Variants in TMC7 observed in about 807,000 individuals in gnomAD.
The protein encoded by TMC7 is transmembrane channel-like protein 7.
TMC7 carries 54 observed loss-of-function variants against 82.9 expected under a neutral mutation model. The ratio of observed to expected loss-of-function variants is 0.65; its 90% CI spans 0.52 to 0.82. The LOEUF is 0.82. Ranked by LOEUF, TMC7 falls within the 40% of genes least tolerant of loss-of-function variation. TMC7 has a pLI of 0.00. For missense variants in TMC7, 820 were observed against 901.2 expected (o/e 0.91, Z 1.15); for synonymous variants, 350 against 337.9 (o/e 1.04, Z -0.39).
At chr16:19,007,944 G>A (rs1190218916) in intron 1 of TMC7, among the ~76,000 whole-genome samples, 1 of 152,150 alleles carries the variant, frequency 6.6e-6, no homozygotes, top group African/African-American at 2.4e-5. Flanking sequence ...ACATATGGTA[G>A]ATAGAGTTGT....
chr16:19,051,955 C>T (rs1961561129), intron 13 of TMC7, 139 bp downstream of exon 13: 10 of 1,192,762 alleles, frequency 8.4e-6, no homozygotes, highest in South Asian at 7.2e-5. Flanking sequence ...AGTGTGGTGG[C>T]GCAGTCTTGG....
chr16:18,984,814 C>T (rs1210138513), intron 1 of TMC7, among the ~76,000 whole-genome samples: 2 of 152,162 alleles, frequency 1.3e-5, no homozygotes, highest in African/African-American at 4.8e-5. Flanking sequence ...AACGGCTGCC[C>T]AGTCAGGATA....
intron 1 of TMC7, among the ~76,000 whole-genome samples, chr16:18,984,928 G>GTTTTC (rs1346275038): frequency 6.6e-6 from 1 of 152,172 alleles, no homozygotes; most frequent in Non-Finnish European, 1.5e-5. Flanking sequence ...TATCTGCAAT[G>GTTTTC]TTTTCTCTTT....
intron 1 of TMC7, 22 bp from the exon 2 acceptor site, chr16:19,009,150 G>A: frequency 6.2e-7 from 1 of 1,606,686 alleles, no homozygotes; most frequent in Non-Finnish European, 8.5e-7. Context: ...AGTGAATGAT[G>A]ACTTTCTTTT....
At chr16:19,009,866 G>A (rs369637378) in intron 2 of TMC7, among the ~76,000 whole-genome samples, 13 of 150,870 alleles carry the variant, frequency 8.6e-5, no homozygotes, top group East Asian at 2.0e-4. Context: ...GCGTGAACCC[G>A]GGAGGCAGAG....
At chr16:19,021,840 A>G in intron 4 of TMC7, 44 bp downstream of exon 4, 3 of 1,590,778 alleles carry the variant, frequency 1.9e-6, no homozygotes, top group Non-Finnish European at 2.6e-6. Flanking sequence ...TTTGTTTTTC[A>G]CCATGTACCT....
intron 1 of TMC7, among the ~76,000 whole-genome samples, chr16:18,985,995 T>C (rs1356955923): frequency 6.6e-6 from 1 of 151,638 alleles, no homozygotes; most frequent in Non-Finnish European, 1.5e-5. Context: ...ATTATGACAC[T>C]GGGCTCCAGC....
At chr16:19,046,515 G>A (rs1004680487) in intron 11 of TMC7, among the ~76,000 whole-genome samples, 6 of 152,108 alleles carry the variant, frequency 3.9e-5, no homozygotes, top group South Asian at 2.1e-4. Context: ...TCTAGGCAGA[G>A]GCCAGAGGTC....
intron 13 of TMC7, among the ~76,000 whole-genome samples, chr16:19,053,480 C>G (rs1261551785): frequency 2.0e-5 from 3 of 151,618 alleles, no homozygotes; most frequent in African/African-American, 7.3e-5. Flanking sequence ...CTTGGCTCAC[C>G]GCAACCTCTG....
At chr16:19,057,903 C>G (rs1961840974) in intron 14 of TMC7, among the ~76,000 whole-genome samples, 1 of 151,820 alleles carries the variant, frequency 6.6e-6, no homozygotes, top group African/African-American at 2.4e-5. Flanking sequence ...TAACCACCCC[C>G]ATTTCAGATC....
chr16:19,035,348 C>A (rs1350115115), intron 6 of TMC7, among the ~76,000 whole-genome samples: 1 of 152,150 alleles, frequency 6.6e-6, no homozygotes, highest in Non-Finnish European at 1.5e-5. Flanking sequence ...ATGATGGAAT[C>A]ATTTCTATCC....
Position 19,055,889 on chromosome 16 carries a change from C to G in TMC7, c.1872-653C>G, listed in dbSNP as rs557762698. ...CTCCTTCCTTAGTCTCTTTTAATCC[C>G]TGATTCTTTGAAGAGTCCAGGCCAG... On this transcript the variant is annotated intron_variant, in intron 13 of 15. Coordinates refer to ENST00000304381, the MANE Select transcript of TMC7 (RefSeq NM_024847.4). 2.4e-3 allele frequency among the ~76,000 whole-genome samples: 369 copies of G among 152,224 alleles called. 1 individual carries two copies. Among genetic ancestry groups the G allele is most frequent in the Non-Finnish European group, 3.6e-3 (246 of 68,008 alleles).
In TMC7 at chr16:18,989,250, A is replaced by G. The variant is rs377282284; in HGVS notation, c.67+5120A>G. Among the ~76,000 whole-genome samples the G allele has an allele frequency of 1.2e-4, 18 of 152,222 alleles. No individual in the cohort carries two copies. The East Asian group carries it at 3.1e-3, about 26-fold the overall frequency. On this transcript the variant is annotated intron_variant, in intron 1 of 15. Transcript: ENST00000304381. ...TCCCCAGAGGGAGGCAGGTCTGGACAGAGCTGAAGATTGCACAGGCCATTT... is the reference window on the plus strand; with the variant it reads ...TCCCCAGAGGGAGGCAGGTCTGGACGGAGCTGAAGATTGCACAGGCCATTT...
chr16:18,990,668 G>T (rs1216271745), intron 1 of TMC7, among the ~76,000 whole-genome samples: 1 of 152,186 alleles, frequency 6.6e-6, no homozygotes, highest in African/African-American at 2.4e-5. Context: ...ATAGGTTTTG[G>T]TATAGGCGGT....
Position 19,015,067 on chromosome 16 carries a change from G to A in TMC7, c.312-1383G>A, listed in dbSNP as rs1004538885. On this transcript the variant is annotated intron_variant, in intron 2 of 15. Coordinates refer to ENST00000304381, the MANE Select transcript of TMC7 (RefSeq NM_024847.4). ...CAACCTCCGCCTTCCGGGTTCAAGCGATTCTCCTGCCTCAGCCTCCCTAGT... is the reference window on the plus strand; with the variant it reads ...CAACCTCCGCCTTCCGGGTTCAAGCAATTCTCCTGCCTCAGCCTCCCTAGT... Among the ~76,000 whole-genome samples, 7 of 151,510 alleles carry A rather than the reference G, an allele frequency of 4.6e-5. No homozygotes were observed. The South Asian group carries it at 6.3e-4, about 14-fold the overall frequency.
At chr16:18,989,973 G>A (rs2142114126) in intron 1 of TMC7, among the ~76,000 whole-genome samples, 1 of 152,200 alleles carries the variant, frequency 6.6e-6, no homozygotes, top group Non-Finnish European at 1.5e-5. Context: ...CAGGCGGGCT[G>A]AGTCCGAAAA....
At chr16:18,995,835 A>G (rs956459514) in intron 1 of TMC7, among the ~76,000 whole-genome samples, 2 of 152,136 alleles carry the variant, frequency 1.3e-5, no homozygotes, top group Admixed American at 6.6e-5. Context: ...GCTTTTTCCA[A>G]TGTCAGGAGT....
At chr16:19,037,091 T>G (rs1363928013) in intron 7 of TMC7, among the ~76,000 whole-genome samples, 1 of 152,102 alleles carries the variant, frequency 6.6e-6, no homozygotes, top group African/African-American at 2.4e-5. Flanking sequence ...AGGTCTTTAG[T>G]AGACATAAAA....
At chr16:19,009,023 T>C in intron 1 of TMC7, 149 bp from the exon 2 acceptor site, 1 of 884,144 alleles carries the variant, frequency 1.1e-6, no homozygotes, top group Non-Finnish European at 1.7e-6. Context: ...AGCACCACTG[T>C]GGTAAATAAA....
Sources: gnomAD v4.1 joint callset for allele counts (sites outside exome capture counted in the v4.1 genomes callset) on GRCh38, gnomAD v4.1.1 for gene constraint, MANE v1.5 for transcripts, NCBI Gene and HGNC (gene_info 2026-07-23, HGNC 2026-07-21) for gene names.